The following TNK2 variants were observed in gnomAD, a reference collection of about 807,000 sequenced individuals.
TNK2 encodes tyrosine kinase non receptor 2, also known as activated CDC42 kinase 1.
TNK2 carries 83 observed loss-of-function variants against 101.8 expected under a neutral mutation model. The ratio of observed to expected loss-of-function variants is 0.82; its 90% CI spans 0.68 to 0.98. The LOEUF (loss-of-function observed/expected upper bound fraction) is 0.98. Ranked by LOEUF, TNK2 falls within the 50% of genes least tolerant of loss-of-function variation. The pLI, the probability that TNK2 is intolerant of heterozygous loss-of-function variation, is 0.00. For missense variants in TNK2, 1,665 were observed against 1,483.2 expected (o/e 1.12, Z -2.01); for synonymous variants, 804 against 633.0 (o/e 1.27, Z -4.06).
At chr3:195,889,915 T>C (rs1405375827) in intron 1 of TNK2, among the ~76,000 whole-genome samples, 3 of 151,734 alleles carry the variant, frequency 2.0e-5, no homozygotes, top group Admixed American at 6.6e-5. Context: ...GCCATCCCCC[T>C]CCCCCACTCA....
intron 10 of TNK2, among the ~76,000 whole-genome samples, chr3:195,872,007 A>C (rs796341774): frequency 0.023 from 968 of 41,356 alleles, 11 homozygotes; most frequent in African/African-American, 0.031. Flanking sequence ...CCTGGAGAAC[A>C]TTCCCCTGGA....
At position 195,867,248 on chromosome 3, in the gene TNK2, T is replaced by C. The variant is rs1741485576; in HGVS notation, c.2954A>G (p.His985Arg). The C allele has an allele frequency of 1.2e-6, 2 of 1,612,642 alleles. No homozygotes were observed. The highest frequency in any genetic ancestry group is 1.3e-5 in the African/African-American group (1 of 74,932). The change falls in exon 14 of 16, where the codon CAT (histidine) becomes CGT (arginine). Residue 985 changes from histidine to arginine, a missense_variant. His to Arg is a conservative substitution (Grantham distance 29). Coordinates refer to ENST00000672887, the MANE Select transcript of TNK2 (RefSeq NM_001382273.1). Reference sequence around the variant, plus strand: ...CTGGCACTCCTCTGTGGTCACCCCATGCACCATGGCCTGCAGCTGGGCACA... The same window carrying C: ...CTGGCACTCCTCTGTGGTCACCCCACGCACCATGGCCTGCAGCTGGGCACA... ...DKIQMLQAMV[H>R]GVTTEECQAA...
At chr3:195,906,329 C>T (rs1039374308) in intron 1 of TNK2, among the ~76,000 whole-genome samples, 1 of 152,120 alleles carries the variant, frequency 6.6e-6, no homozygotes, top group Non-Finnish European at 1.5e-5. Flanking sequence ...AGGGATTTAC[C>T]TAAGATAAAT....
chr3:195,889,458 G>A (rs1013540106), intron 1 of TNK2, among the ~76,000 whole-genome samples: 68 of 152,040 alleles, frequency 4.5e-4, no homozygotes, highest in African/African-American at 1.6e-3. Flanking sequence ...ACAGCCACCC[G>A]GCTCCCCAGG....
rs374337535 is a variant in TNK2 at position 195,868,625 on chromosome 3, G to A, written c.1673C>T (p.Pro558Leu). The change falls in exon 13 of 16, where the codon CCC (proline) becomes CTC (leucine). Residue 558 changes from proline (P) to leucine (L), a missense_variant. By Grantham distance (98) the Pro-to-Leu change is moderately conservative. This residue lies in a region of TNK2 where 1,136 missense variants were observed against 894.9 expected (regional missense o/e 1.27). Transcript: ENST00000672887. ...GGGCTTCGCCAGCCACAGCCCTCGG[G>A]GCAGGCCTGGCTTCCGCAGGCCCAG... Reference protein sequence around the residue: ...KRLGLRKPGLPRGLWLAKPSA... With the variant: ...KRLGLRKPGLLRGLWLAKPSA... 3.8e-6 allele frequency: 6 copies of A among 1,591,984 alleles called. No homozygotes were observed. The highest frequency in any genetic ancestry group is 5.1e-6 in the Non-Finnish European group (6 of 1,177,150).
In TNK2 at chr3:195,885,972, T is replaced by C. The variant is rs1314041793; in HGVS notation, c.235-939A>G. On this transcript the variant is annotated intron_variant, in intron 3 of 15. Transcript: ENST00000672887. The surrounding 1 kb of genome is among the most constrained non-coding windows in gnomAD (Gnocchi z 4.7). ...CTCCCAGTAACTAGAATTCCTTATG[T>C]TTGCAAGCAATGTTCAGGTTACAAG... is the stretch of plus-strand genomic sequence containing the variant. The C allele has an allele frequency of 5.4e-6, 1 of 186,094 alleles. No homozygotes were observed. The highest frequency in any genetic ancestry group is 1.1e-5 in the Non-Finnish European group (1 of 89,050). The allele number at this position is 186,094 out of a possible 1,614,324, so 11.5% of individuals were successfully genotyped here.
At chr3:195,907,104 CA>C (rs1390166911) in intron 1 of TNK2, among the ~76,000 whole-genome samples, 1 of 152,240 alleles carries the variant, frequency 6.6e-6, no homozygotes, top group Non-Finnish European at 1.5e-5. Context: ...ACCACAAGTT[CA>C]AAAACGCCGA....
intron 6 of TNK2, among the ~76,000 whole-genome samples, chr3:195,880,080 C>G (rs1012053106): frequency 6.6e-6 from 1 of 152,122 alleles, no homozygotes; most frequent in Non-Finnish European, 1.5e-5. Flanking sequence ...CTTGGGAAAG[C>G]AGAACTGGAA....
chr3:195,892,011 G>C (rs762526511), intron 1 of TNK2: 40 of 1,020,260 alleles, frequency 3.9e-5, no homozygotes, highest in Non-Finnish European at 4.7e-5. Flanking sequence ...CGGGATGCTG[G>C]TGAGGCAAGC....
intron 1 of TNK2, among the ~76,000 whole-genome samples, chr3:195,889,920 C>G (rs1455943642): frequency 2.6e-5 from 4 of 152,150 alleles, no homozygotes; most frequent in African/African-American, 9.7e-5. Flanking sequence ...CCCCCTCCCC[C>G]ACTCAGCGGT....
At position 195,878,084 on chromosome 3, in the gene TNK2, G is replaced by C. The variant is rs775766204; in HGVS notation, c.1256+169C>G. Among the ~76,000 whole-genome samples the C allele has an allele frequency of 6.6e-6, 1 of 151,764 alleles. No homozygotes were observed. Among genetic ancestry groups the C allele is most frequent in the Non-Finnish European group, 1.5e-5 (1 of 67,908 alleles). On this transcript the variant is annotated intron_variant, in intron 9 of 15. Transcript: ENST00000672887. This position sits in a 1 kb window ranked among gnomAD's most constrained non-coding sequence, Gnocchi z 4.7. ...GGAAGCTGGGCAGGGAAAGGCACTA[G>C]GAAGACGGAGGCAGGCCTGTCCTCC... is the stretch of plus-strand genomic sequence containing the variant.
chr3:195,867,731 C>A lies in TNK2; in HGVS notation c.2567G>T (p.Gly856Val), dbSNP rs1741872926. ...QVIQAPGPRA[G>V]PCILPIVRDG... ...CCGGACGATGGGCAGGATGCAGGGA[C>A]CAGCCCGCGGGCCAGGGGCCTGGAT... Residue 856 changes from glycine (G) to valine (V), a missense_variant, in exon 13 of 16, where the codon GGT becomes GTT. Coordinates refer to ENST00000672887, the MANE Select transcript of TNK2 (RefSeq NM_001382273.1). The A allele has an allele frequency of 6.2e-7, 1 of 1,603,818 alleles. No individual in the cohort carries two copies. The highest frequency in any genetic ancestry group is 1.3e-5 in the African/African-American group (1 of 74,556).
Position 195,894,594 on chromosome 3 carries a change from C to T in TNK2, c.-18-5988G>A, listed in dbSNP as rs1759873790. The T allele has an allele frequency of 1.3e-5, 2 of 152,026 alleles. 1 individual carries two copies. Among genetic ancestry groups the T allele is most frequent in the South Asian group, 4.1e-4 (2 of 4,826 alleles). The allele number at this position is 152,026 out of a possible 1,614,324, so 9.4% of individuals were successfully genotyped here. A position where few individuals can be genotyped will look rare whatever the true frequency, so the allele number is the denominator to read the frequency against. ...TCCGCCATGTTGGCCAGGCTGGTCC[C>T]GAATTCCTGACCTCAGCGTCCTCGT... is the stretch of plus-strand genomic sequence containing the variant. On this transcript the variant is annotated intron_variant, in intron 1 of 15. Transcript: ENST00000672887.
intron 1 of TNK2, chr3:195,896,159 GC>G (rs1560542372): frequency 8.8e-6 from 4 of 454,850 alleles, no homozygotes; most frequent in Non-Finnish European, 1.8e-5. Context: ...CGAGGCCATC[GC>G]CGGCACAGGA....
chr3:195,869,341 G>C (rs1335641601), intron 12 of TNK2, 156 bp downstream of exon 12: 3 of 779,714 alleles, frequency 3.8e-6, no homozygotes, highest in Admixed American at 4.4e-5. Flanking sequence ...TCGAGGGGGG[G>C]CAGGCATGCT....
At chr3:195,869,075 G>A in intron 12 of TNK2, 4 of 462,166 alleles carry the variant, frequency 8.7e-6, no homozygotes, top group South Asian at 3.1e-5. Flanking sequence ...CCCTGTCACG[G>A]CACACCATTA....
chr3:195,868,885 T>C (rs1742804730), intron 12 of TNK2, 176 bp from the exon 13 acceptor site: 1 of 689,094 alleles, frequency 1.5e-6, no homozygotes, highest in Non-Finnish European at 2.3e-6. Flanking sequence ...CTCCGACCAC[T>C]CCATCAGGAG....
intron 15 of TNK2, among the ~76,000 whole-genome samples, chr3:195,865,152 A>G (rs1413471512): frequency 3.5e-5 from 4 of 113,906 alleles, no homozygotes; most frequent in Non-Finnish European, 1.8e-5. Flanking sequence ...CCTGCGTCCC[A>G]GATGCAAATC....
intron 15 of TNK2, among the ~76,000 whole-genome samples, chr3:195,864,470 G>A (rs1315604677): frequency 2.0e-5 from 3 of 151,106 alleles, no homozygotes; most frequent in African/African-American, 7.3e-5. Flanking sequence ...CCGAGACAGC[G>A]ACAGACAGGT....
Sources: gnomAD v4.1 joint callset for allele counts (sites outside exome capture counted in the v4.1 genomes callset) on GRCh38, gnomAD v4.1.1 for gene constraint, gnomAD v4.1.1 regional missense constraint, Gnocchi (gnomAD v3.1) non-coding constraint, MANE v1.5 for transcripts, NCBI Gene and HGNC (gene_info 2026-07-23, HGNC 2026-07-21) for gene names.